TMPRSS2: variants seen among roughly 807,000 people sequenced by gnomAD.
TMPRSS2 encodes the protein transmembrane serine protease 2.
A neutral mutation model predicts 67.4 loss-of-function variants in TMPRSS2; 59 were observed. The ratio of observed to expected loss-of-function variants is 0.88; its 90% CI spans 0.71 to 1.09. The LOEUF (loss-of-function observed/expected upper bound fraction) is 1.09. Ranked by LOEUF, TMPRSS2 falls within the 50% of genes least tolerant of loss-of-function variation. TMPRSS2 has a pLI of 0.00. For missense variants in TMPRSS2, 668 were observed against 642.7 expected (o/e 1.04, Z -0.43); for synonymous variants, 257 against 257.0 (o/e 1.00, Z 0.00).
At position 41,465,464 on chromosome 21, in the gene TMPRSS2, G is replaced by A. The variant is rs187742976; in HGVS notation, c.*678C>T. On this transcript the variant is annotated 3_prime_UTR_variant, in exon 14 of 14. Coordinates refer to ENST00000332149, the MANE Select transcript of TMPRSS2 (RefSeq NM_005656.4). ...CAGGAGCCCCACCCAATGTGCAGGT[G>A]GAGACCTGCACCAGGAGTGCTCAGG... 2.7e-4 allele frequency: 63 copies of A among 233,536 alleles called. No individual in the cohort carries two copies. The Admixed American group carries it at 3.5e-3, about 13-fold the overall frequency. 14.5% of individuals were successfully genotyped at this position (233,536 alleles called of 1,614,324 possible).
chr21:41,464,686 CGTTTTCACCATTACA>C lies in TMPRSS2; in HGVS notation c.*1441_*1455del, dbSNP rs899709077. On this transcript the variant is annotated 3_prime_UTR_variant, in exon 14 of 14. Coordinates refer to ENST00000332149, the MANE Select transcript of TMPRSS2 (RefSeq NM_005656.4). ...AAGAAGGGGCAATAAAGAAGGAAGACGTTTTCACCATTACAACACCTTTTAGGATGTGTCTTGGGG... is the reference window on the plus strand; with the variant it reads ...AAGAAGGGGCAATAAAGAAGGAAGACACACCTTTTAGGATGTGTCTTGGGG... The C allele has an allele frequency of 8.6e-6, 2 of 233,176 alleles. No individual in the cohort carries two copies. The highest frequency in any genetic ancestry group is 4.4e-5 in the African/African-American group (2 of 45,352). 14.4% of individuals were successfully genotyped at this position (233,176 alleles called of 1,614,324 possible).
At chr21:41,496,228 T>G (rs963410644) in intron 2 of TMPRSS2, among the ~76,000 whole-genome samples, 1 of 152,190 alleles carries the variant, frequency 6.6e-6, no homozygotes, top group African/African-American at 2.4e-5. Context: ...TACAAACATT[T>G]TGCAGAGAAA....
rs762854045 is a variant in TMPRSS2 at position 41,473,470 on chromosome 21, G to A, written c.754C>T (p.Arg252Cys). ...IACGVNLNSSRQSRIVGGESA... is the reference protein window; with the variant it reads ...IACGVNLNSSCQSRIVGGESA... ...TCGCCGCCCACAATCCTGCTCTGGC[G>A]GCTTGAGTTCAAGTTGACCCCGCAG... The change falls in exon 9 of 14, where the codon CGC (arginine) becomes TGC (cysteine). Residue 252 changes from arginine to cysteine, a missense_variant. Physicochemically the swap from Arg to Cys is radical, Grantham distance 180. Coordinates refer to ENST00000332149, the MANE Select transcript of TMPRSS2 (RefSeq NM_005656.4). The A allele has an allele frequency of 1.8e-5, 29 of 1,609,346 alleles. No homozygotes were observed. Among genetic ancestry groups the A allele is most frequent in the Middle Eastern group, 1.7e-4 (1 of 5,834 alleles).
intron 1 of TMPRSS2, chr21:41,502,423 T>G (rs1253908821): frequency 1.0e-6 from 1 of 985,272 alleles, no homozygotes; most frequent in Non-Finnish European, 1.2e-6. Context: ...AGCCCCCACC[T>G]GTGACTGGTA....
chr21:41,466,234 C>A (rs2146416845), intron 13 of TMPRSS2, 81 bp from the exon 14 acceptor site: 1 of 1,455,170 alleles, frequency 6.9e-7, no homozygotes. Context: ...TCTAGGTTCG[C>A]ATGAAGCACT....
intron 10 of TMPRSS2, among the ~76,000 whole-genome samples, chr21:41,471,026 G>A (rs2091128989): frequency 6.6e-6 from 1 of 152,222 alleles, no homozygotes; most frequent in South Asian, 2.1e-4. Flanking sequence ...AGGTGATCAA[G>A]ACGGGAAAGA....
rs2091472219 is a variant in TMPRSS2, at chr21:41,508,121, G to T, written c.-97C>A. 1.1e-6 allele frequency: 1 copy of T among 915,990 alleles called. No homozygotes were observed. 56.7% of individuals were successfully genotyped at this position (915,990 alleles called of 1,614,324 possible). A position where few individuals can be genotyped will look rare whatever the true frequency, so the allele number is the denominator to read the frequency against. On this transcript the variant is annotated 5_prime_UTR_variant, in exon 1 of 14. Coordinates refer to ENST00000332149, the MANE Select transcript of TMPRSS2 (RefSeq NM_005656.4). ...CGGCGCTCCCCGCCCCTCGCCCTCC[G>T]CCTCCGCCTCCGCCTCCTGCTTAGC... is the stretch of plus-strand genomic sequence containing the variant.
Position 41,477,910 on chromosome 21 carries a change from G to A in TMPRSS2, c.683+1262C>T, listed in dbSNP as rs376200920. The stretch of plus-strand genomic sequence containing the variant: ...ACCACCACCACCGAGATAGAATAGA[G>A]CCTACCAGACAATGGCCTTCTCTTC... On this transcript the variant is annotated intron_variant, in intron 7 of 13. Transcript: ENST00000332149. Among the ~76,000 whole-genome samples, 4 of 152,092 alleles carry A rather than the reference G, an allele frequency of 2.6e-5. No homozygotes were observed. The South Asian group carries it at 6.3e-4, about 24-fold the overall frequency.
At position 41,465,930 on chromosome 21, in the gene TMPRSS2, C is replaced by T; in HGVS notation, c.*212G>A. 1 of 621,682 alleles carries T rather than the reference C, an allele frequency of 1.6e-6. No individual in the cohort carries two copies. Among genetic ancestry groups the T allele is most frequent in the South Asian group, 2.1e-5 (1 of 47,180 alleles). 38.5% of individuals were successfully genotyped at this position (621,682 alleles called of 1,614,324 possible). A position where few individuals can be genotyped will look rare whatever the true frequency, so the allele number is the denominator to read the frequency against. ...GCCCACAACCAGCCGGCCATCACCC[C>T]TTGCGGACAAGGGGTTAGGGAGAGC... On this transcript the variant is annotated 3_prime_UTR_variant, in exon 14 of 14. Transcript: ENST00000332149.
intron 8 of TMPRSS2, among the ~76,000 whole-genome samples, chr21:41,476,155 T>C (rs1488784421): frequency 1.3e-5 from 2 of 152,116 alleles, no homozygotes; most frequent in African/African-American, 4.8e-5. Context: ...TCCTCCCGGG[T>C]CCCACTGGCT....
chr21:41,488,882 C>T (rs423596), intron 4 of TMPRSS2, among the ~76,000 whole-genome samples: 6,708 of 152,312 alleles, frequency 0.044, 330 homozygotes, highest in East Asian at 0.23. Flanking sequence ...CTCAGGTGGT[C>T]CACCTGCCTT....
chr21:41,499,353 C>T (rs958956491), intron 1 of TMPRSS2, among the ~76,000 whole-genome samples: 6 of 152,226 alleles, frequency 3.9e-5, no homozygotes, highest in African/African-American at 4.8e-5. Context: ...AGATTCTTCG[C>T]TTGATCAAAC....
At chr21:41,473,789 T>G (rs1406027052) in intron 8 of TMPRSS2, among the ~76,000 whole-genome samples, 1 of 149,194 alleles carries the variant, frequency 6.7e-6, no homozygotes, top group Non-Finnish European at 1.5e-5. Flanking sequence ...ACTCCTTGAG[T>G]CTTGGAGGGA....
chr21:41,473,981 AGTAATTGAGGGGGTGAGGGG>A (rs1196904596), intron 8 of TMPRSS2, among the ~76,000 whole-genome samples: 2 of 21,384 alleles, frequency 9.4e-5, no homozygotes, highest in Non-Finnish European at 1.8e-4. Flanking sequence ...AGGATGAGGG[AGTAATTGAGGGGGTGAGGGG>A]GTAATTGAGG....
intron 11 of TMPRSS2, among the ~76,000 whole-genome samples, chr21:41,469,981 C>T (rs1217606357): frequency 1.3e-5 from 2 of 152,184 alleles, no homozygotes; most frequent in Non-Finnish European, 2.9e-5. Flanking sequence ...CCACTACCTT[C>T]CCTGACGCTC....
intron 10 of TMPRSS2, 140 bp downstream of exon 10, chr21:41,471,666 C>A: frequency 1.1e-6 from 1 of 923,222 alleles, no homozygotes; most frequent in Non-Finnish European, 1.6e-6. Flanking sequence ...CTGTGAGCCT[C>A]TCCCATTGGC....
At chr21:41,499,195 A>G (rs1190412259) in intron 1 of TMPRSS2, among the ~76,000 whole-genome samples, 1 of 152,190 alleles carries the variant, frequency 6.6e-6, no homozygotes, top group African/African-American at 2.4e-5. Context: ...CATTTTGACC[A>G]CTGCTAAGAT....
intron 1 of TMPRSS2, among the ~76,000 whole-genome samples, chr21:41,500,773 C>T (rs966383385): frequency 1.3e-5 from 2 of 152,200 alleles, no homozygotes; most frequent in Non-Finnish European, 2.9e-5. Flanking sequence ...GTATCAAAAA[C>T]GTTTAAGCCT....
intron 3 of TMPRSS2, among the ~76,000 whole-genome samples, chr21:41,492,984 C>A (rs931373972): frequency 6.6e-6 from 1 of 152,180 alleles, no homozygotes; most frequent in Non-Finnish European, 1.5e-5. Context: ...CCACACTAAG[C>A]GATATTTTAC....
Sources: gnomAD v4.1 joint callset for allele counts (sites outside exome capture counted in the v4.1 genomes callset) on GRCh38, gnomAD v4.1.1 for gene constraint, MANE v1.5 for transcripts, NCBI Gene and HGNC (gene_info 2026-07-23, HGNC 2026-07-21) for gene names.